Variants in BCAT1 observed in about 807,000 individuals in gnomAD.
BCAT1 encodes the protein branched chain amino acid transaminase 1.
A neutral mutation model predicts 52.4 loss-of-function variants in BCAT1; 48 were observed. The observed-to-expected ratio is 0.92, with a 90% CI of 0.73 to 1.16. The LOEUF (loss-of-function observed/expected upper bound fraction) is 1.16. Ranked by LOEUF, BCAT1 falls within the 50% of genes most tolerant of loss-of-function variation. BCAT1 has a pLI of 0.00. For synonymous variants in BCAT1, 167 were observed against 161.3 expected, an observed-to-expected ratio of 1.04 and a Z score of -0.27; for missense variants, 451 against 457.1, an observed-to-expected ratio of 0.99 and a Z score of 0.12.
intron 1 of BCAT1, among the ~76,000 whole-genome samples, chr12:24,908,947 C>T (rs1358533196): frequency 2.0e-5 from 3 of 151,952 alleles, no homozygotes; most frequent in Non-Finnish European, 4.4e-5. Flanking sequence ...TGGGCAGTGA[C>T]GACACTCAAC....
At chr12:24,911,326 C>T (rs1425889362) in intron 1 of BCAT1, among the ~76,000 whole-genome samples, 1 of 152,098 alleles carries the variant, frequency 6.6e-6, no homozygotes, top group African/African-American at 2.4e-5. Context: ...CTTAACCAGG[C>T]TCACACAGAC....
intron 5 of BCAT1, among the ~76,000 whole-genome samples, chr12:24,857,428 T>C (rs1941722282): frequency 6.6e-6 from 1 of 152,250 alleles, no homozygotes; most frequent in Non-Finnish European, 1.5e-5. Context: ...TAGAGTCTGA[T>C]AATAAGAGAT....
intron 5 of BCAT1, among the ~76,000 whole-genome samples, chr12:24,872,140 A>G (rs2139565079): frequency 6.6e-6 from 1 of 152,346 alleles, no homozygotes; most frequent in Non-Finnish European, 1.5e-5. Context: ...GTATAAGCAC[A>G]AATAGAGGCA....
chr12:24,927,226 T>C (rs1303020380), intron 1 of BCAT1, among the ~76,000 whole-genome samples: 2 of 152,016 alleles, frequency 1.3e-5, no homozygotes, highest in Non-Finnish European at 2.9e-5. Context: ...GAGAATCACT[T>C]GAACCCAGGA....
intron 1 of BCAT1, chr12:24,902,900 CG>C: frequency 6.6e-7 from 1 of 1,515,152 alleles, no homozygotes; most frequent in Non-Finnish European, 8.8e-7. Flanking sequence ...TACCGAGACC[CG>C]GGTTCCAATC....
At chr12:24,820,543 T>C (rs567848225) in intron 10 of BCAT1, among the ~76,000 whole-genome samples, 1 of 152,294 alleles carries the variant, frequency 6.6e-6, no homozygotes, top group South Asian at 2.1e-4. Flanking sequence ...CTTGTCATTG[T>C]CATTACAAAA....
At chr12:24,846,104 A>C (rs547002120) in intron 6 of BCAT1, among the ~76,000 whole-genome samples, 26 of 152,258 alleles carry the variant, frequency 1.7e-4, no homozygotes, top group Non-Finnish European at 2.9e-4. Flanking sequence ...AAATGCATAC[A>C]CATTTCTGAA....
chr12:24,891,053 A>G (rs757623948), intron 3 of BCAT1, among the ~76,000 whole-genome samples: 1 of 152,206 alleles, frequency 6.6e-6, no homozygotes, highest in East Asian at 1.9e-4. Context: ...GTGAGAGTAG[A>G]GGAAAAACTC....
chr12:24,842,023 C>T (rs1941190699), intron 7 of BCAT1, 59 bp downstream of exon 7: 2 of 1,576,656 alleles, frequency 1.3e-6, no homozygotes, highest in African/African-American at 1.4e-5. Flanking sequence ...TAGCTCTTGT[C>T]TTTCTGGTCC....
At chr12:24,936,595 C>G (rs750886069) in intron 1 of BCAT1, among the ~76,000 whole-genome samples, 1 of 152,198 alleles carries the variant, frequency 6.6e-6, no homozygotes, top group African/African-American at 2.4e-5. Context: ...GAGCTGCATT[C>G]CTTCTGGAGG....
At chr12:24,858,573 C>T (rs759068746) in intron 5 of BCAT1, among the ~76,000 whole-genome samples, 11 of 152,168 alleles carry the variant, frequency 7.2e-5, no homozygotes, top group Non-Finnish European at 1.6e-4. Context: ...GTTGGCCATG[C>T]CCCCTAGCTA....
chr12:24,895,351 C>A (rs957307729), intron 2 of BCAT1, among the ~76,000 whole-genome samples: 1 of 151,934 alleles, frequency 6.6e-6, no homozygotes, highest in African/African-American at 2.4e-5. Context: ...ATGGTGAAAC[C>A]CCGTCTCTAC....
chr12:24,890,465 C>A (rs1488249433), intron 3 of BCAT1, among the ~76,000 whole-genome samples: 1 of 152,140 alleles, frequency 6.6e-6, no homozygotes, highest in East Asian at 1.9e-4. Context: ...ACTGATAAAA[C>A]AAGATGTGGT....
intron 1 of BCAT1, among the ~76,000 whole-genome samples, chr12:24,943,963 G>A (rs1300355538): frequency 1.3e-5 from 2 of 151,766 alleles, no homozygotes; most frequent in Admixed American, 6.6e-5. Flanking sequence ...CAGCCTGGGT[G>A]ACAGAGCAAG....
rs57265449 is a variant in BCAT1 at position 24,947,167 on chromosome 12, CCACACACACACACA to C, written c.6+1746_6+1759del. Among the ~76,000 whole-genome samples, 458 of 141,246 alleles carry C rather than the reference CCACACACACACACA, an allele frequency of 3.2e-3. 2 individuals are homozygous for C. The highest frequency in any genetic ancestry group is 0.01 in the Middle Eastern group (3 of 288). 92.7% of individuals were successfully genotyped at this position (141,246 alleles called of 152,430 possible). ...CCCCACTAGGCCTCCCGTCTTCCCT[CCACACACACACACA>C]CACACACACACACACACACACACAC... On this transcript the variant is annotated intron_variant, in intron 1 of 10. Coordinates refer to ENST00000261192, the MANE Select transcript of BCAT1 (RefSeq NM_005504.7).
chr12:24,905,728 T>G (rs1320408406), intron 1 of BCAT1, among the ~76,000 whole-genome samples: 4 of 152,094 alleles, frequency 2.6e-5, no homozygotes, highest in Non-Finnish European at 4.4e-5. Context: ...TTTAGCAGTT[T>G]TCAATTTAGC....
At chr12:24,882,101 C>A (rs922568310) in intron 3 of BCAT1, among the ~76,000 whole-genome samples, 3 of 152,106 alleles carry the variant, frequency 2.0e-5, no homozygotes, top group Non-Finnish European at 4.4e-5. Flanking sequence ...ACAGGCTAAA[C>A]CTTAGTAAAG....
At chr12:24,939,206 G>T (rs1943814154) in intron 1 of BCAT1, among the ~76,000 whole-genome samples, 1 of 152,158 alleles carries the variant, frequency 6.6e-6, no homozygotes, top group South Asian at 2.1e-4. Flanking sequence ...TCCCTAAATA[G>T]AATTGTTTCT....
intron 5 of BCAT1, among the ~76,000 whole-genome samples, chr12:24,866,097 C>A (rs948440525): frequency 1.3e-5 from 2 of 152,196 alleles, no homozygotes; most frequent in Admixed American, 6.5e-5. Flanking sequence ...GGCGGGAACC[C>A]GGGCTGCGCA....
Sources: gnomAD v4.1 joint callset for allele counts (sites outside exome capture counted in the v4.1 genomes callset) on GRCh38, gnomAD v4.1.1 for gene constraint, MANE v1.5 for transcripts, NCBI Gene and HGNC (gene_info 2026-07-23, HGNC 2026-07-21) for gene names.